Variants in GLT1D1 observed in about 807,000 individuals in gnomAD.
The protein encoded by GLT1D1 is glycosyltransferase 1 domain-containing protein 1.
GLT1D1 carries 21 observed loss-of-function variants against 28.7 expected under a neutral mutation model. That is an observed-to-expected ratio of 0.73 (90% confidence interval 0.52 to 1.05). The LOEUF is 1.05. Ranked by LOEUF, GLT1D1 falls within the 50% of genes least tolerant of loss-of-function variation. The probability of loss-of-function intolerance (pLI) is 0.00; values close to 1 mark genes in which losing one functional copy is unlikely to be tolerated. For synonymous variants in GLT1D1, 147 were observed against 124.8 expected (o/e 1.18, Z -1.19); for missense variants, 343 against 330.6 (o/e 1.04, Z -0.29).
At chr12:128,940,985 A>G (rs982286843) in intron 4 of GLT1D1, among the ~76,000 whole-genome samples, 2 of 152,116 alleles carry the variant, frequency 1.3e-5, no homozygotes, top group African/African-American at 4.8e-5. Flanking sequence ...ATAACCCCTA[A>G]TTAGATCCTG....
chr12:128,908,897 C>A (rs573967326), intron 4 of GLT1D1, among the ~76,000 whole-genome samples: 3 of 152,016 alleles, frequency 2.0e-5, no homozygotes, highest in African/African-American at 4.8e-5. Context: ...TGCAGTGAGC[C>A]GAGATCGCGC....
In GLT1D1 at chr12:128,884,092, G is replaced by A. The variant is rs183872285; in HGVS notation, c.218-4547G>A. On this transcript the variant is annotated intron_variant, in intron 2 of 7. Transcript: ENST00000281703. ...TATGTGCAAAGGAAATGAAATCAGT[G>A]TGTGGAAGAGATATCTGCAACCCCA... 1.1e-4 allele frequency among the ~76,000 whole-genome samples: 16 copies of A among 152,310 alleles called. No homozygotes were observed. The East Asian group carries it at 3.1e-3, about 29-fold the overall frequency.
intron 1 of GLT1D1, among the ~76,000 whole-genome samples, chr12:128,873,636 C>T (rs1464049269): frequency 1.3e-5 from 2 of 152,162 alleles, no homozygotes; most frequent in African/African-American, 2.4e-5. Flanking sequence ...TGCTCTCTCA[C>T]AGATAATGTA....
At chr12:128,945,694 T>C (rs1270345004) in intron 5 of GLT1D1, among the ~76,000 whole-genome samples, 2 of 152,118 alleles carry the variant, frequency 1.3e-5, no homozygotes, top group African/African-American at 4.8e-5. Context: ...GGTGTGTTGG[T>C]TATAAGTTGC....
At chr12:128,921,990 C>A (rs11060015) in intron 4 of GLT1D1, among the ~76,000 whole-genome samples, 23,916 of 150,576 alleles carry the variant, frequency 0.16, 2,433 homozygotes, top group Non-Finnish European at 0.24. Context: ...TTGTGATTCT[C>A]CTTGTACCTT....
At chr12:128,926,211 T>C (rs1218675737) in intron 4 of GLT1D1, 148 bp from the exon 7 acceptor site, 1 of 192,380 alleles carries the variant, frequency 5.2e-6, no homozygotes, top group Non-Finnish European at 9.7e-6. Flanking sequence ...ATAATAATAA[T>C]AATAATAATA....
At chr12:128,858,311 A>G (rs1290728596) in intron 1 of GLT1D1, among the ~76,000 whole-genome samples, 1 of 152,150 alleles carries the variant, frequency 6.6e-6, no homozygotes, top group Non-Finnish European at 1.5e-5. Flanking sequence ...ACCCCAAAAC[A>G]TGCTTCTGTG....
At chr12:128,961,115 A>C (rs540931522) in intron 7 of GLT1D1, among the ~76,000 whole-genome samples, 2 of 152,350 alleles carry the variant, frequency 1.3e-5, no homozygotes, top group African/African-American at 2.4e-5. Flanking sequence ...CATTTTGTGA[A>C]TCTTTTATAA....
rs1555271974 is a variant in GLT1D1, at chr12:128,939,845, C to CCT, written c.376-5480_376-5479insTC. 2.8e-5 allele frequency among the ~76,000 whole-genome samples: 4 copies of CCT among 145,448 alleles called. 2 individuals carry two copies. The highest frequency in any genetic ancestry group is 6.9e-3 in the Middle Eastern group (2 of 288). On this transcript the variant is annotated intron_variant, in intron 4 of 7. Transcript: ENST00000281703. ...TTGCCAAATTGTTAGAAACCCCCCC[C>CCT]CACCGCCGATCCAATCACCTCCTAC... is the stretch of plus-strand genomic sequence containing the variant.
intron 7 of GLT1D1, among the ~76,000 whole-genome samples, chr12:128,961,941 G>A (rs1877996713): frequency 6.6e-6 from 1 of 152,200 alleles, no homozygotes; most frequent in African/African-American, 2.4e-5. Context: ...GAGTCAGGCA[G>A]TTTTTCTGGT....
At chr12:128,890,968 C>T (rs777794681) in intron 3 of GLT1D1, among the ~76,000 whole-genome samples, 8 of 151,788 alleles carry the variant, frequency 5.3e-5, no homozygotes, top group Non-Finnish European at 1.2e-4. Context: ...CATTGCACTC[C>T]AGCCTGGGAG....
intron 4 of GLT1D1, 132 bp downstream of exon 6, chr12:128,915,121 C>T (rs150173576): frequency 0.028 from 18,996 of 675,710 alleles, 345 homozygotes; most frequent in Non-Finnish European, 0.034. Context: ...CCTCTGTCTG[C>T]GGCTTCATGA....
At chr12:128,922,939 A>T (rs60013790) in intron 4 of GLT1D1, among the ~76,000 whole-genome samples, 2,127 of 140,990 alleles carry the variant, frequency 0.015, 55 homozygotes, top group African/African-American at 0.053. Flanking sequence ...AAAAAAAAAA[A>T]AAAAAAAGAG....
At position 128,881,916 on chromosome 12, in the gene GLT1D1, T is replaced by C. The variant is rs111864828; in HGVS notation, c.217+5854T>C. On this transcript the variant is annotated intron_variant, in intron 2 of 7. Coordinates refer to ENST00000281703, the MANE Select transcript of GLT1D1 (RefSeq NM_144669.3). ...ATGAATGGTCCCGTCCTATTTCCAT[T>C]TCTCCCCTCAGTTTTAAACAATATC... is the stretch of plus-strand genomic sequence containing the variant. Among the ~76,000 whole-genome samples, 804 of 152,140 alleles carry C rather than the reference T, an allele frequency of 5.3e-3. 4 individuals carry two copies. The highest frequency in any genetic ancestry group is 0.018 in the African/African-American group (758 of 41,514).
In GLT1D1 at chr12:128,899,546, GTT is replaced by G. The variant is rs34973787; in HGVS notation, c.375+279_375+280del. On this transcript the variant is annotated intron_variant, in intron 4 of 7. Coordinates refer to ENST00000281703, the MANE Select transcript of GLT1D1 (RefSeq NM_144669.3). ...ATGTTGTTGTTGTTGTTTTGTTGCT[GTT>G]TTTTTTTTTTTTTTTTTTTGAGACG... 1.8e-3 allele frequency among the ~76,000 whole-genome samples: 222 copies of G among 124,602 alleles called. 15 individuals are homozygous for G. Among genetic ancestry groups the G allele is most frequent in the Non-Finnish European group, 2.0e-3 (117 of 58,254 alleles). The allele number at this position is 124,602 out of a possible 152,430, so 81.7% of individuals were successfully genotyped here.
intron 7 of GLT1D1, among the ~76,000 whole-genome samples, chr12:128,977,757 G>A (rs1879901609): frequency 7.7e-6 from 1 of 130,070 alleles, no homozygotes; most frequent in African/African-American, 2.9e-5. Flanking sequence ...TGCCTTGTGA[G>A]TTCTTTTCTT....
chr12:128,927,866 G>T (rs1478310357), intron 4 of GLT1D1, among the ~76,000 whole-genome samples: 1 of 151,348 alleles, frequency 6.6e-6, no homozygotes, highest in Non-Finnish European at 1.5e-5. Flanking sequence ...TGGGCATCGT[G>T]GTGGGTGCCT....
chr12:128,952,348 C>A (rs1278232805), intron 6 of GLT1D1, among the ~76,000 whole-genome samples: 2 of 147,826 alleles, frequency 1.4e-5, no homozygotes, highest in Non-Finnish European at 3.0e-5. Context: ...AAGTCCTCAC[C>A]CCTGGCGTCT....
In GLT1D1 at chr12:128,945,278, G is replaced by A. The variant is rs200216740; in HGVS notation, c.376-48G>A. On this transcript the variant is annotated intron_variant, in intron 4 of 7. Coordinates refer to ENST00000281703, the MANE Select transcript of GLT1D1 (RefSeq NM_144669.3). Reference sequence around the variant, plus strand: ...TGGCCCGTGCTGGCCGGCTGGCAGCGCCACTAGCAGGCGGCGACCGCTGAC... The same window carrying A: ...TGGCCCGTGCTGGCCGGCTGGCAGCACCACTAGCAGGCGGCGACCGCTGAC... The A allele has an allele frequency of 4.8e-4, 764 of 1,598,176 alleles. 2 individuals carry two copies. The East Asian group carries it at 0.012, about 26-fold the overall frequency.
Sources: gnomAD v4.1 joint callset for allele counts (sites outside exome capture counted in the v4.1 genomes callset) on GRCh38, gnomAD v4.1.1 for gene constraint, MANE v1.5 for transcripts, NCBI Gene and HGNC (gene_info 2026-07-23, HGNC 2026-07-21) for gene names.